The following TUT4 variants were observed in gnomAD, a reference collection of about 807,000 sequenced individuals.
TUT4 encodes terminal uridylyl transferase 4, also known as terminal uridylyltransferase 4.
A neutral mutation model predicts 192.2 loss-of-function variants in TUT4; 36 were observed. That is an observed-to-expected ratio of 0.19 (90% CI 0.14 to 0.25). The LOEUF (loss-of-function observed/expected upper bound fraction) is 0.25, where lower values mean the gene tolerates loss of function less well. Among genes scored for constraint, TUT4 ranks in the 10% least tolerant of loss-of-function variants. TUT4 has a pLI of 1.00. For missense variants in TUT4, 1,493 were observed against 1,957.2 expected (o/e 0.76, Z 4.47); for synonymous variants, 618 against 666.0 (o/e 0.93, Z 1.11).
intron 14 of TUT4, 73 bp downstream of exon 14, chr1:52,471,879 T>C: frequency 6.8e-7 from 1 of 1,472,460 alleles, no homozygotes; most frequent in Non-Finnish European, 9.1e-7. Flanking sequence ...CAAACTGTTT[T>C]TAAATCAGAA....
At chr1:52,501,643 T>C (rs1398154733) in intron 4 of TUT4, among the ~76,000 whole-genome samples, 1 of 152,050 alleles carries the variant, frequency 6.6e-6, no homozygotes, top group East Asian at 1.9e-4. Flanking sequence ...GGAACTCAAA[T>C]AGGTATTTGT....
intron 16 of TUT4, chr1:52,462,362 A>AT (rs1204958285): frequency 6.6e-6 from 1 of 151,498 alleles, no homozygotes; most frequent in Non-Finnish European, 1.5e-5. Context: ...ATTTTTTTGT[A>AT]TTTTTAGTAG....
chr1:52,502,899 C>T (rs935524163), intron 4 of TUT4, among the ~76,000 whole-genome samples: 1 of 152,176 alleles, frequency 6.6e-6, no homozygotes, highest in Non-Finnish European at 1.5e-5. Flanking sequence ...ACTAGGATTA[C>T]AGGCGTGAGC....
In TUT4 at chr1:52,481,584, C is replaced by T. The variant is rs1668479415; in HGVS notation, c.1687G>A (p.Val563Ile). Residue 563 changes from valine to isoleucine, a missense_variant, in exon 11 of 30, where the codon GTA (valine) becomes ATA (isoleucine). Val to Ile is a conservative substitution (Grantham distance 29). Transcript: ENST00000257177. ...RMDDFQLKGI[V>I]EEKFVKWECN... is the part of the protein sequence containing the mutation. ...TCCCACTTCACAAACTTCTCTTCTA[C>T]TATGCCCTTCAGCTGAAAGTCATCC... 1 of 1,613,584 alleles carries T rather than the reference C, an allele frequency of 6.2e-7. No individual in the cohort carries two copies. Among genetic ancestry groups the T allele is most frequent in the Non-Finnish European group, 8.5e-7 (1 of 1,179,938 alleles).
At chr1:52,449,758 T>TTTA (rs1437605308) in intron 20 of TUT4, among the ~76,000 whole-genome samples, 2 of 152,228 alleles carry the variant, frequency 1.3e-5, no homozygotes, top group Non-Finnish European at 2.9e-5. Flanking sequence ...AAACTCTGTA[T>TTTA]TTATGAAACT....
chr1:52,445,127 C>G, intron 24 of TUT4, among the ~76,000 whole-genome samples: 1 of 151,698 alleles, frequency 6.6e-6, no homozygotes, highest in East Asian at 1.9e-4. Flanking sequence ...TACATTTGTT[C>G]TCTTTCTTGA....
At chr1:52,479,637 A>G (rs1026380605) in intron 11 of TUT4, among the ~76,000 whole-genome samples, 1 of 152,140 alleles carries the variant, frequency 6.6e-6, no homozygotes, top group Non-Finnish European at 1.5e-5. Flanking sequence ...AGATGAAAAA[A>G]CTAAGTGTGG....
chr1:52,482,324 T>A (rs1668685369), intron 9 of TUT4, among the ~76,000 whole-genome samples: 1 of 152,212 alleles, frequency 6.6e-6, no homozygotes, highest in African/African-American at 2.4e-5. Flanking sequence ...GGGAGAAGTT[T>A]AAGTTTTTCA....
At chr1:52,457,599 T>C (rs1268754647) in intron 20 of TUT4, among the ~76,000 whole-genome samples, 1 of 152,204 alleles carries the variant, frequency 6.6e-6, no homozygotes, top group East Asian at 1.9e-4. Flanking sequence ...ATGTGACTTT[T>C]CCAACCAAGT....
At chr1:52,551,804 T>C (rs1167822303) in intron 1 of TUT4, among the ~76,000 whole-genome samples, 1 of 152,208 alleles carries the variant, frequency 6.6e-6, no homozygotes, top group Non-Finnish European at 1.5e-5. Context: ...ATTATCCAAT[T>C]TTATTAGCTA....
Position 52,426,956 on chromosome 1 carries a change from AAC to A in TUT4, c.4712-1451_4712-1450del, listed in dbSNP as rs201634799. ...ATTTCCATTCAGTCCTTCCATTTTCAACACAGTGTAACTGTAGCTTTAATAAC... is the reference window on the plus strand; with the variant it reads ...ATTTCCATTCAGTCCTTCCATTTTCAACAGTGTAACTGTAGCTTTAATAAC... On this transcript the variant is annotated intron_variant, in intron 28 of 29. Coordinates refer to ENST00000257177, the MANE Select transcript of TUT4 (RefSeq NM_001009881.3). Among the ~76,000 whole-genome samples the A allele has an allele frequency of 5.3e-3, 802 of 151,662 alleles. 10 individuals are homozygous for A. Among genetic ancestry groups the A allele is most frequent in the African/African-American group, 0.018 (742 of 40,974 alleles).
intron 9 of TUT4, among the ~76,000 whole-genome samples, chr1:52,484,277 T>TA (rs946278823): frequency 6.6e-6 from 1 of 152,040 alleles, no homozygotes; most frequent in Non-Finnish European, 1.5e-5. Context: ...AAATACAAAT[T>TA]AAAAAATACA....
At chr1:52,531,351 G>A (rs1683354145) in intron 1 of TUT4, among the ~76,000 whole-genome samples, 1 of 151,856 alleles carries the variant, frequency 6.6e-6, no homozygotes, top group Admixed American at 6.6e-5. Context: ...TGATGTGGCT[G>A]GACTGGGGGG....
chr1:52,526,186 T>C lies in TUT4; in HGVS notation c.95A>G (p.Gln32Arg). 2 of 1,611,610 alleles carry C rather than the reference T, an allele frequency of 1.2e-6. No individual in the cohort carries two copies. The highest frequency in any genetic ancestry group is 1.7e-5 in the Admixed American group (1 of 59,844). ...ESKAVQVIGN[Q>R]TLKARNDKSV... is the part of the protein sequence containing the mutation. ...TTTATCATTTCTAGCTTTCAATGTT[T>C]GATTACCTATAACTTGAACTGCTTT... Residue 32 changes from glutamine to arginine, a missense_variant, in exon 2 of 30, where the codon CAA becomes CGA. Gln to Arg is a conservative substitution (Grantham distance 43). Coordinates refer to ENST00000257177, the MANE Select transcript of TUT4 (RefSeq NM_001009881.3).
chr1:52,549,551 G>C (rs1688880040), intron 1 of TUT4, among the ~76,000 whole-genome samples: 1 of 152,068 alleles, frequency 6.6e-6, no homozygotes, highest in Admixed American at 6.6e-5. Context: ...TATGTAGACT[G>C]ATACAAATGC....
intron 27 of TUT4, 99 bp from the exon 28 acceptor site, chr1:52,431,559 A>C: frequency 1.0e-6 from 1 of 983,034 alleles, no homozygotes; most frequent in Non-Finnish European, 1.4e-6. Flanking sequence ...ATAAAACAGA[A>C]CTCTATGATG....
In TUT4 at chr1:52,489,020, T is replaced by C; in HGVS notation, c.1404A>G (p.Arg468=). The C allele has an allele frequency of 6.2e-7, 1 of 1,611,732 alleles. No homozygotes were observed. The highest frequency in any genetic ancestry group is 8.5e-7 in the Non-Finnish European group (1 of 1,179,304). Residue 468 remains arginine, a synonymous_variant, in exon 9 of 30, where the codon AGA becomes AGG. Coordinates refer to ENST00000257177, the MANE Select transcript of TUT4 (RefSeq NM_001009881.3). ...CRDRKSGLLC[R]VSAGNDMACL... is the part of the protein sequence containing the mutation. ...ATGCCATATCGTTTCCTGCACTCAC[T>C]CTACAAAGTAAACCACTGTGAATGA...
intron 5 of TUT4, among the ~76,000 whole-genome samples, chr1:52,495,775 T>C (rs938006547): frequency 2.0e-5 from 3 of 152,164 alleles, no homozygotes; most frequent in African/African-American, 7.2e-5. Flanking sequence ...TAATAGTTCA[T>C]TTAGAAATGA....
At chr1:52,439,042 C>T (rs906278173) in intron 24 of TUT4, among the ~76,000 whole-genome samples, 2 of 149,168 alleles carry the variant, frequency 1.3e-5, no homozygotes, top group Non-Finnish European at 3.0e-5. Context: ...TGCACTCCAG[C>T]CTGGGTGACA....
Sources: allele counts gnomAD v4.1 joint callset (sites outside exome capture counted in the v4.1 genomes callset), GRCh38; gene constraint gnomAD v4.1.1; transcripts MANE v1.5; gene names NCBI Gene and HGNC (gene_info 2026-07-23, HGNC 2026-07-21).